The following FBXL4 variants were observed in gnomAD, a reference collection of about 807,000 sequenced individuals.
FBXL4 encodes the protein F-box/LRR-repeat protein 4.
A neutral mutation model predicts 58.9 loss-of-function variants in FBXL4; 40 were observed. That is an observed-to-expected ratio of 0.68 (90% CI 0.53 to 0.88). FBXL4 has a LOEUF of 0.88. Ranked by LOEUF, FBXL4 falls within the 40% of genes least tolerant of loss-of-function variation. The pLI is 0.00. For missense variants in FBXL4, 676 were observed against 734.4 expected (o/e 0.92, Z 0.92); for synonymous variants, 263 against 265.5 (o/e 0.99, Z 0.09).
Position 98,916,888 on chromosome 6 carries a change from A to G in FBXL4, c.858+486T>C, listed in dbSNP as rs181295345. Among the ~76,000 whole-genome samples, 1,380 of 152,146 alleles carry G rather than the reference A, an allele frequency of 9.1e-3. 18 individuals are homozygous for G. The highest frequency in any genetic ancestry group is 0.031 in the African/African-American group (1,302 of 41,508). On this transcript the variant is annotated intron_variant, in intron 5 of 9. Transcript: ENST00000369244. ...TAATAGCACTACCTGCCTAGACCAA[A>G]AATTACAGTTAGGAGAATATAGAAT...
intron 1 of FBXL4, among the ~76,000 whole-genome samples, chr6:98,935,891 A>C (rs925130775): frequency 6.6e-6 from 1 of 152,204 alleles, no homozygotes; most frequent in Non-Finnish European, 1.5e-5. Flanking sequence ...TTTAACTAAA[A>C]TATTAAAAAT....
chr6:98,934,450 C>G (rs563928819), intron 2 of FBXL4, among the ~76,000 whole-genome samples: 4 of 151,576 alleles, frequency 2.6e-5, no homozygotes, highest in African/African-American at 9.7e-5. Flanking sequence ...AATATAACAG[C>G]AAAGGTAATA....
At chr6:98,903,302 C>A (rs1771680331) in intron 6 of FBXL4, among the ~76,000 whole-genome samples, 1 of 152,006 alleles carries the variant, frequency 6.6e-6, no homozygotes, top group Admixed American at 6.6e-5. Context: ...GTCATGGGGG[C>A]CAACAGTAAT....
chr6:98,898,475 C>T (rs1409025422), intron 7 of FBXL4: 21 of 966,338 alleles, frequency 2.2e-5, no homozygotes, highest in African/African-American at 7.0e-5. Context: ...CATGGTGGCA[C>T]GTGCCTGTAA....
chr6:98,922,095 T>C (rs1772605090), intron 4 of FBXL4, among the ~76,000 whole-genome samples: 1 of 152,138 alleles, frequency 6.6e-6, no homozygotes, highest in Non-Finnish European at 1.5e-5. Context: ...GCCTGGCTAA[T>C]TTTTGTGTTT....
chr6:98,885,796 T>C (rs888369247), intron 7 of FBXL4, among the ~76,000 whole-genome samples: 8 of 152,196 alleles, frequency 5.3e-5, no homozygotes, highest in African/African-American at 1.9e-4. Context: ...ATAATAAATA[T>C]CTTTATCTCC....
At chr6:98,909,784 AAGGCC>A (rs1467725021) in intron 5 of FBXL4, among the ~76,000 whole-genome samples, 2 of 151,778 alleles carry the variant, frequency 1.3e-5, no homozygotes, top group Non-Finnish European at 2.9e-5. Flanking sequence ...CCTCCCAGTA[AAGGCC>A]AGTTTTGTCC....
intron 7 of FBXL4, among the ~76,000 whole-genome samples, chr6:98,892,642 C>T (rs1269439466): frequency 6.6e-6 from 1 of 152,200 alleles, no homozygotes. Context: ...CTTTCATTAA[C>T]AGTCAGGCTG....
chr6:98,872,628 C>T lies in FBXL4; in HGVS notation c.*1650G>A, dbSNP rs1300776127. The T allele has an allele frequency of 6.6e-6, 1 of 152,152 alleles. No homozygotes were observed. The highest frequency in any genetic ancestry group is 2.4e-5 in the African/African-American group (1 of 41,432). The allele number at this position is 152,152 out of a possible 1,614,324, so 9.4% of individuals were successfully genotyped here. On this transcript the variant is annotated 3_prime_UTR_variant, in exon 10 of 10. Transcript: ENST00000369244. ...TTCTCTCTAGTTATTTAAGTATCTACATAACAATCTCAGTTTTACCTCTTA... is the reference window on the plus strand; with the variant it reads ...TTCTCTCTAGTTATTTAAGTATCTATATAACAATCTCAGTTTTACCTCTTA...
chr6:98,913,267 C>T (rs1772176038), intron 5 of FBXL4, among the ~76,000 whole-genome samples: 2 of 152,054 alleles, frequency 1.3e-5, no homozygotes, highest in South Asian at 2.1e-4. Flanking sequence ...GACAGATCAA[C>T]GAGACAGAAA....
At chr6:98,878,622 T>C (rs13209856) in intron 8 of FBXL4, among the ~76,000 whole-genome samples, 7,498 of 152,176 alleles carry the variant, frequency 0.049, 249 homozygotes, top group Middle Eastern at 0.12. Flanking sequence ...CTTAAAATAA[T>C]ACAATTTCAA....
At chr6:98,878,615 A>G (rs1770738217) in intron 8 of FBXL4, among the ~76,000 whole-genome samples, 1 of 152,158 alleles carries the variant, frequency 6.6e-6, no homozygotes, top group South Asian at 2.1e-4. Flanking sequence ...ATGCTAACTT[A>G]AAATAATACA....
intron 5 of FBXL4, among the ~76,000 whole-genome samples, chr6:98,912,368 T>C (rs1450566185): frequency 6.6e-6 from 1 of 151,912 alleles, no homozygotes; most frequent in Non-Finnish European, 1.5e-5. Flanking sequence ...CCAAGACACA[T>C]AATTGTCAGA....
chr6:98,920,691 T>C (rs188382741), intron 4 of FBXL4, among the ~76,000 whole-genome samples: 104 of 152,290 alleles, frequency 6.8e-4, no homozygotes, highest in Admixed American at 1.8e-3. Context: ...GTATCTATCT[T>C]ACCCAACAAG....
chr6:98,882,644 G>C (rs764317681), intron 7 of FBXL4, among the ~76,000 whole-genome samples: 1 of 151,750 alleles, frequency 6.6e-6, no homozygotes, highest in East Asian at 1.9e-4. Flanking sequence ...TCAATATTTT[G>C]TTTACCTCAC....
At chr6:98,924,212 A>C (rs1430540812) in intron 4 of FBXL4, among the ~76,000 whole-genome samples, 1 of 152,202 alleles carries the variant, frequency 6.6e-6, no homozygotes, top group Non-Finnish European at 1.5e-5. Context: ...GGAAAAAAGT[A>C]GGTAACTTTG....
chr6:98,923,669 A>G (rs1190446803), intron 4 of FBXL4, among the ~76,000 whole-genome samples: 1 of 152,080 alleles, frequency 6.6e-6, no homozygotes, highest in African/African-American at 2.4e-5. Flanking sequence ...GTCCTCTTCT[A>G]GGCTGGCCTG....
intron 5 of FBXL4, among the ~76,000 whole-genome samples, chr6:98,911,640 C>T (rs1423899094): frequency 6.6e-6 from 1 of 152,172 alleles, no homozygotes; most frequent in Non-Finnish European, 1.5e-5. Context: ...AGAAGGAAAA[C>T]TAACAAACAG....
At position 98,946,001 on chromosome 6, in the gene FBXL4, G is replaced by T. The variant is rs540803114; in HGVS notation, c.-309+1805C>A. ...ACTGGCAGGAAAATTTTAAAGGGGG[G>T]AGGGAGGCAAGAGGTAAAGAAAGGG... On this transcript the variant is annotated intron_variant, in intron 1 of 9. Transcript: ENST00000369244. Among the ~76,000 whole-genome samples the T allele has an allele frequency of 5.3e-5, 8 of 152,284 alleles. No individual in the cohort carries two copies. In the East Asian group the frequency reaches 1.4e-3, roughly 26 times the overall value.
Sources: gnomAD v4.1 joint callset for allele counts (sites outside exome capture counted in the v4.1 genomes callset) on GRCh38, gnomAD v4.1.1 for gene constraint, MANE v1.5 for transcripts, NCBI Gene and HGNC (gene_info 2026-07-23, HGNC 2026-07-21) for gene names.